PRDM10: variants seen among roughly 807,000 people sequenced by gnomAD.
The protein encoded by PRDM10 is PR/SET domain 10.
In PRDM10, 65 loss-of-function variants were observed where a neutral mutation model predicts 133.1. That is an observed-to-expected ratio of 0.49 (90% confidence interval 0.40 to 0.60). The LOEUF (loss-of-function observed/expected upper bound fraction) is 0.60, where lower values mean the gene tolerates loss of function less well. PRDM10 is among the 20% of genes least tolerant of loss of function. PRDM10 has a pLI of 0.00. For missense variants in PRDM10, 1,137 were observed against 1,507.1 expected (o/e 0.75, Z 4.07); for synonymous variants, 582 against 580.4 (o/e 1.00, Z -0.04).
rs1447319154 is a variant in PRDM10, at chr11:129,992,311, C to T, written c.-119+10411G>A. ...GAACAGTAATAATTATAGCTACAGG[C>T]ATTTATGGAGCACCTATCCCGTGCC... On this transcript the variant is annotated intron_variant, in intron 1 of 20. Coordinates refer to ENST00000360871, the MANE Select transcript of PRDM10 (RefSeq NM_199437.2). Among the ~76,000 whole-genome samples the T allele has an allele frequency of 2.6e-5, 4 of 152,216 alleles. No homozygotes were observed. The East Asian group carries it at 7.7e-4, about 29-fold the overall frequency.
chr11:129,953,442 C>T (rs762333596), intron 4 of PRDM10, among the ~76,000 whole-genome samples: 47 of 151,720 alleles, frequency 3.1e-4, no homozygotes, highest in Non-Finnish European at 5.4e-4. Context: ...TACAGGCATG[C>T]GCCACCACGC....
chr11:129,987,413 G>A (rs1456050193), intron 1 of PRDM10, among the ~76,000 whole-genome samples: 1 of 152,160 alleles, frequency 6.6e-6, no homozygotes, highest in Non-Finnish European at 1.5e-5. Context: ...AGGAGAAACT[G>A]GAACCCTCAT....
intron 1 of PRDM10, among the ~76,000 whole-genome samples, chr11:130,001,446 G>A (rs1194187880): frequency 6.6e-6 from 1 of 152,132 alleles, no homozygotes; most frequent in African/African-American, 2.4e-5. Flanking sequence ...AGAGAATTTG[G>A]GGTGACGAGA....
chr11:129,945,907 A>G lies in PRDM10; in HGVS notation c.521-895T>C, dbSNP rs1565486740. Among the ~76,000 whole-genome samples the G allele has an allele frequency of 6.6e-6, 1 of 152,294 alleles. No individual in the cohort carries two copies. Among genetic ancestry groups the G allele is most frequent in the East Asian group, 1.9e-4 (1 of 5,186 alleles). On this transcript the variant is annotated intron_variant, in intron 5 of 20. Transcript: ENST00000360871. The surrounding 1 kb of genome is among the most constrained non-coding windows in gnomAD (Gnocchi z 4.2). ...GTATTAATATTTTAAAGATAAAGTGATTTTCTGTGCATTTGACTTAGGAGT... is the reference window on the plus strand; with the variant it reads ...GTATTAATATTTTAAAGATAAAGTGGTTTTCTGTGCATTTGACTTAGGAGT...
intron 3 of PRDM10, among the ~76,000 whole-genome samples, chr11:129,957,073 G>A (rs1255440260): frequency 2.0e-5 from 3 of 152,214 alleles, no homozygotes; most frequent in Non-Finnish European, 2.9e-5. Context: ...AAATCAGTAA[G>A]TTATTAAGAA....
intron 1 of PRDM10, among the ~76,000 whole-genome samples, chr11:129,989,510 T>A (rs529246141): frequency 6.6e-6 from 1 of 152,300 alleles, no homozygotes; most frequent in East Asian, 1.9e-4. Flanking sequence ...CAAGCTCTTT[T>A]ATTGAATTAG....
Position 130,002,034 on chromosome 11 carries a change from C to A in PRDM10, c.-119+688G>T, listed in dbSNP as rs975183463. Reference sequence around the variant, plus strand: ...AGCCATCGATGGCAAGTGGGCGGCGCGGCCTCCGCAGACAAAGCTGGGCGC... The same window carrying A: ...AGCCATCGATGGCAAGTGGGCGGCGAGGCCTCCGCAGACAAAGCTGGGCGC... On this transcript the variant is annotated intron_variant, in intron 1 of 20. Coordinates refer to ENST00000360871, the MANE Select transcript of PRDM10 (RefSeq NM_199437.2). 3.6e-4 allele frequency among the ~76,000 whole-genome samples: 54 copies of A among 151,618 alleles called. 1 individual carries two copies. The highest frequency in any genetic ancestry group is 1.3e-4 in the Admixed American group (2 of 15,222).
At position 129,932,069 on chromosome 11, in the gene PRDM10, ACCTAAGGAGGGCTCCTTCCCGTCCCC is replaced by A; in HGVS notation, c.1287+7_1287+32del. The stretch of plus-strand genomic sequence containing the variant: ...GATCTGGCGAGTCCTCCACACAAGC[ACCTAAGGAGGGCTCCTTCCCGTCCCC>A]CCGTACCTGTGTCCCATCGTCACTC... On this transcript the variant is annotated splice_region_variant and intron_variant, in intron 10 of 20. Transcript: ENST00000360871. 7 of 1,600,814 alleles carry A rather than the reference ACCTAAGGAGGGCTCCTTCCCGTCCCC, an allele frequency of 4.4e-6. No individual in the cohort carries two copies. The highest frequency in any genetic ancestry group is 6.0e-6 in the Non-Finnish European group (7 of 1,170,444).
At chr11:129,958,995 C>A (rs1349932341) in intron 2 of PRDM10, among the ~76,000 whole-genome samples, 1 of 152,194 alleles carries the variant, frequency 6.6e-6, no homozygotes, top group Admixed American at 6.5e-5. Flanking sequence ...GGTCTGGAAG[C>A]AGATGGCCCA....
chr11:129,913,895 A>T (rs1032764741), intron 17 of PRDM10, among the ~76,000 whole-genome samples: 4 of 152,230 alleles, frequency 2.6e-5, no homozygotes, highest in Admixed American at 2.6e-4. Flanking sequence ...TAGTTCTGGG[A>T]GAATCACTTT....
chr11:129,914,399 A>C lies in PRDM10; in HGVS notation c.2841+305T>G, dbSNP rs1379341086. 4 of 453,772 alleles carry C rather than the reference A, an allele frequency of 8.8e-6. No individual in the cohort carries two copies. The East Asian group carries it at 1.4e-4, about 15-fold the overall frequency. The allele number at this position is 453,772 out of a possible 1,614,324, so 28.1% of individuals were successfully genotyped here. ...GCTCATTACCAAGCAGCCAACCAGG[A>C]TGGTTAAAGATAAGGATCAGAAGAG... is the stretch of plus-strand genomic sequence containing the variant. On this transcript the variant is annotated intron_variant, in intron 17 of 20. Transcript: ENST00000360871.
chr11:129,902,542 A>G (rs1453934162), intron 20 of PRDM10, 26 bp from the exon 21 acceptor site: 6 of 1,606,692 alleles, frequency 3.7e-6, no homozygotes, highest in Non-Finnish European at 5.1e-6. Flanking sequence ...AAGGATCCTT[A>G]AAAACTTGGG....
chr11:129,972,020 C>G (rs895148227), intron 1 of PRDM10, among the ~76,000 whole-genome samples: 1 of 152,228 alleles, frequency 6.6e-6, no homozygotes, highest in Non-Finnish European at 1.5e-5. Flanking sequence ...GAGTGCAGCG[C>G]CAGTGGGCCG....
intron 15 of PRDM10, 53 bp downstream of exon 15, chr11:129,917,074 A>G (rs1950380932): frequency 7.6e-7 from 1 of 1,317,050 alleles, no homozygotes; most frequent in Admixed American, 1.9e-5. Context: ...CGGACAAGTC[A>G]GCTCTAAGCA....
At chr11:129,948,389 T>C (rs1243441034) in intron 4 of PRDM10, among the ~76,000 whole-genome samples, 1 of 152,194 alleles carries the variant, frequency 6.6e-6, no homozygotes, top group Non-Finnish European at 1.5e-5. Flanking sequence ...TAAAATACTC[T>C]TTCCTCAGCC....
intron 11 of PRDM10, among the ~76,000 whole-genome samples, chr11:129,927,083 G>A (rs1950699845): frequency 6.9e-6 from 1 of 145,860 alleles, no homozygotes; most frequent in South Asian, 2.3e-4. Flanking sequence ...GCAGGCACCT[G>A]TAACCCCAGG....
chr11:129,947,381 G>A lies in PRDM10; in HGVS notation c.295-11C>T. The A allele has an allele frequency of 1.2e-6, 2 of 1,614,166 alleles. No individual in the cohort carries two copies. The highest frequency in any genetic ancestry group is 1.1e-5 in the South Asian group (1 of 91,078). The stretch of plus-strand genomic sequence containing the variant: ...AACTGGCAATGAGGCCTGGGCAAAA[G>A]TTGAAGGCACAGAGTAAGCAGACAT... On this transcript the variant is annotated splice_polypyrimidine_tract_variant and intron_variant, in intron 4 of 20. Transcript: ENST00000360871. The surrounding 1 kb of genome is among the most constrained non-coding windows in gnomAD (Gnocchi z 4.6).
rs1565487862 is a variant in PRDM10 at position 129,947,094 on chromosome 11, A to G, written c.520+51T>C. 6 of 1,599,330 alleles carry G rather than the reference A, an allele frequency of 3.8e-6. No homozygotes were observed. The highest frequency in any genetic ancestry group is 4.3e-6 in the Non-Finnish European group (5 of 1,172,098). On this transcript the variant is annotated intron_variant, in intron 5 of 20. Coordinates refer to ENST00000360871, the MANE Select transcript of PRDM10 (RefSeq NM_199437.2). The surrounding 1 kb of genome is among the most constrained non-coding windows in gnomAD (Gnocchi z 4.6). The stretch of plus-strand genomic sequence containing the variant: ...TTCACACACACGCACACGTACACAG[A>G]CACACAAGATGGACACAGCTTCCCT...
rs1208411377 is a variant in PRDM10, at chr11:129,932,230, T to G, written c.1159A>C (p.Thr387Pro). 6.2e-7 allele frequency: 1 copy of G among 1,613,886 alleles called. No individual in the cohort carries two copies. The highest frequency in any genetic ancestry group is 1.3e-5 in the African/African-American group (1 of 74,928). ...CCTCGTCCCCTTCCTCTGCCTCTTG[T>G]TCTGGGGACAAGAGATTGGGTTACA... Reference protein sequence around the residue: ...HDEKLDVFSRTRGRGRGRGKR... With the variant: ...HDEKLDVFSRPRGRGRGRGKR... Residue 387 changes from threonine to proline, a missense_variant and splice_region_variant, in exon 10 of 21, where the codon ACA (threonine) becomes CCA (proline). By Grantham distance (38) the Thr-to-Pro change is conservative. This residue lies in a region of PRDM10 where 635 missense variants were observed against 835.2 expected (regional missense o/e 0.76). Coordinates refer to ENST00000360871, the MANE Select transcript of PRDM10 (RefSeq NM_199437.2).
Sources: gnomAD v4.1 joint callset for allele counts (sites outside exome capture counted in the v4.1 genomes callset) on GRCh38, gnomAD v4.1.1 for gene constraint, gnomAD v4.1.1 regional missense constraint, Gnocchi (gnomAD v3.1) non-coding constraint, MANE v1.5 for transcripts, NCBI Gene and HGNC (gene_info 2026-07-23, HGNC 2026-07-21) for gene names.